DIS3L2: variants seen among roughly 807,000 people sequenced by gnomAD.
DIS3L2 encodes the protein DIS3 like 3'-5' exoribonuclease 2.
A neutral mutation model predicts 97.5 loss-of-function variants in DIS3L2; 34 were observed. The ratio of observed to expected loss-of-function variants is 0.35; its 90% CI spans 0.27 to 0.46. The LOEUF (loss-of-function observed/expected upper bound fraction) is 0.46, where lower values mean the gene tolerates loss of function less well. Among genes scored for constraint, DIS3L2 ranks in the 20% least tolerant of loss-of-function variants. DIS3L2 has a pLI of 1.00. For missense variants in DIS3L2, 1,038 were observed against 1,146.0 expected (o/e 0.91, Z 1.36); for synonymous variants, 435 against 445.2 (o/e 0.98, Z 0.29).
At position 232,030,174 on chromosome 2, in the gene DIS3L2, A is replaced by G. The variant is rs1457652869; in HGVS notation, c.366+94A>G. The stretch of plus-strand genomic sequence containing the variant: ...AGGCATCATAAACTGGAGGAGTCAC[A>G]GACCCCTTAGGCGCTGTGATAAGAT... On this transcript the variant is annotated intron_variant, in intron 5 of 20. Coordinates refer to ENST00000325385, the MANE Select transcript of DIS3L2 (RefSeq NM_152383.5). The G allele has an allele frequency of 4.8e-6, 5 of 1,040,602 alleles. 1 individual carries two copies. In the Middle Eastern group the frequency reaches 1.0e-3, roughly 211 times the overall value. The allele number at this position is 1,040,602 out of a possible 1,614,324, so 64.5% of individuals were successfully genotyped here. A position where few individuals can be genotyped will look rare whatever the true frequency, so the allele number is the denominator to read the frequency against.
intron 6 of DIS3L2, among the ~76,000 whole-genome samples, chr2:232,097,554 T>C (rs903181505): frequency 1.3e-5 from 2 of 152,160 alleles, no homozygotes; most frequent in African/African-American, 4.8e-5. Flanking sequence ...ACTGCCAGGC[T>C]TCCACCAATG....
chr2:232,142,682 C>G (rs1690095486), intron 8 of DIS3L2, among the ~76,000 whole-genome samples: 1 of 152,164 alleles, frequency 6.6e-6, no homozygotes, highest in Non-Finnish European at 1.5e-5. Flanking sequence ...CCTGAAGTCC[C>G]TATTCCTTAA....
chr2:232,333,197 T>A (rs1294710874), intron 16 of DIS3L2, among the ~76,000 whole-genome samples: 1 of 65,030 alleles, frequency 1.5e-5, no homozygotes, highest in Non-Finnish European at 2.7e-5. Flanking sequence ...CTCCTCCTCC[T>A]CCTCCTCCTC....
At chr2:232,044,362 G>A (rs1477931169) in intron 5 of DIS3L2, among the ~76,000 whole-genome samples, 1 of 152,152 alleles carries the variant, frequency 6.6e-6, no homozygotes, top group Non-Finnish European at 1.5e-5. Context: ...TGGAATACAA[G>A]GAGGAGATGA....
chr2:232,303,874 C>T (rs2106324825), intron 14 of DIS3L2, among the ~76,000 whole-genome samples: 1 of 152,292 alleles, frequency 6.6e-6, no homozygotes, highest in Non-Finnish European at 1.5e-5. Flanking sequence ...CTAATCTCTA[C>T]CTCTGGGGTC....
intron 10 of DIS3L2, among the ~76,000 whole-genome samples, chr2:232,213,833 C>G (rs1692261721): frequency 1.3e-5 from 2 of 151,994 alleles, no homozygotes; most frequent in South Asian, 4.2e-4. Flanking sequence ...CAGTGTCTGT[C>G]AGGTGAGACA....
intron 5 of DIS3L2, among the ~76,000 whole-genome samples, chr2:232,030,400 C>T (rs143934141): frequency 1.4e-4 from 22 of 152,192 alleles, no homozygotes; most frequent in African/African-American, 5.1e-4. Context: ...TTTCCTACAT[C>T]CTATGCAGGG....
At chr2:232,064,606 C>A (rs947335454) in intron 5 of DIS3L2, among the ~76,000 whole-genome samples, 4 of 152,102 alleles carry the variant, frequency 2.6e-5, no homozygotes, top group African/African-American at 4.8e-5. Flanking sequence ...TATCTTTATA[C>A]GAAATTATGA....
At chr2:232,002,660 C>T (rs1473239149) in intron 1 of DIS3L2, among the ~76,000 whole-genome samples, 5 of 152,218 alleles carry the variant, frequency 3.3e-5, no homozygotes, top group Admixed American at 2.0e-4. Context: ...AGATGTGAAA[C>T]ATCACTGTGG....
At chr2:232,180,012 C>T (rs1448761370) in intron 9 of DIS3L2, among the ~76,000 whole-genome samples, 3 of 120,546 alleles carry the variant, frequency 2.5e-5, no homozygotes, top group South Asian at 5.6e-4. Context: ...TATGTTGTGT[C>T]TTTGTTCTCG....
At chr2:232,148,748 CTTTTTTTTT>C (rs34837114) in intron 8 of DIS3L2, among the ~76,000 whole-genome samples, 37 of 98,898 alleles carry the variant, frequency 3.7e-4, no homozygotes, top group African/African-American at 1.2e-3. Context: ...AATTTTCTTT[CTTTTTTTTT>C]TTTTTTTTTT....
chr2:232,265,246 C>G (rs927871135), intron 13 of DIS3L2, among the ~76,000 whole-genome samples: 35 of 152,212 alleles, frequency 2.3e-4, no homozygotes, highest in Non-Finnish European at 5.9e-5. Flanking sequence ...TGCTGGCCCC[C>G]TTTGCAGAAG....
chr2:232,244,778 G>A (rs1204814580), intron 11 of DIS3L2, among the ~76,000 whole-genome samples: 1 of 152,192 alleles, frequency 6.6e-6, no homozygotes, highest in Non-Finnish European at 1.5e-5. Context: ...AGAGGTCTGA[G>A]GAGAATAGTA....
intron 8 of DIS3L2, among the ~76,000 whole-genome samples, chr2:232,145,937 C>G (rs1457798173): frequency 6.6e-6 from 1 of 151,988 alleles, no homozygotes; most frequent in Non-Finnish European, 1.5e-5. Context: ...AGAGGCATAC[C>G]TAAAGCACCA....
chr2:232,161,190 A>G (rs922854589), intron 8 of DIS3L2, among the ~76,000 whole-genome samples: 1 of 152,136 alleles, frequency 6.6e-6, no homozygotes, highest in Non-Finnish European at 1.5e-5. Flanking sequence ...TGCTGGGATT[A>G]CAGGCGTGAG....
chr2:232,212,251 C>T (rs1692211908), intron 10 of DIS3L2, among the ~76,000 whole-genome samples: 2 of 152,224 alleles, frequency 1.3e-5, no homozygotes, highest in African/African-American at 4.8e-5. Context: ...GGAAAGTGCC[C>T]CTAGGCTGAA....
intron 16 of DIS3L2, chr2:232,331,620 G>A (rs1199978982): frequency 4.6e-5 from 7 of 152,220 alleles, no homozygotes; most frequent in East Asian, 3.8e-4. Flanking sequence ...CACCCACAGC[G>A]GAGAGGGGCT....
At chr2:232,305,066 G>A (rs564143951) in intron 14 of DIS3L2, among the ~76,000 whole-genome samples, 1 of 151,896 alleles carries the variant, frequency 6.6e-6, no homozygotes, top group Non-Finnish European at 1.5e-5. Flanking sequence ...ATGAATATTT[G>A]GTTTTTATTT....
At chr2:232,070,043 A>T (rs1042286416) in intron 5 of DIS3L2, among the ~76,000 whole-genome samples, 3 of 152,254 alleles carry the variant, frequency 2.0e-5, no homozygotes, top group Admixed American at 2.0e-4. Flanking sequence ...AGTAAAGAGT[A>T]TGAGTCAAAG....
Sources: gnomAD v4.1 joint callset for allele counts (sites outside exome capture counted in the v4.1 genomes callset) on GRCh38, gnomAD v4.1.1 for gene constraint, MANE v1.5 for transcripts, NCBI Gene and HGNC (gene_info 2026-07-23, HGNC 2026-07-21) for gene names.